The following ADAM29 variants were observed in gnomAD, a reference collection of about 807,000 sequenced individuals.
ADAM29 encodes ADAM metallopeptidase domain 29, also known as disintegrin and metalloproteinase domain-containing protein 29.
For synonymous variants in ADAM29, 367 were observed against 342.3 expected, an observed-to-expected ratio of 1.07 and a Z score of -0.80; for missense variants, 969 against 1,001.8, an observed-to-expected ratio of 0.97 and a Z score of 0.44.
chr4:174,975,784 G>A lies in ADAM29; in HGVS notation c.259G>A (p.Gly87Ser). Residue 87 changes from glycine (G) to serine (S), a missense_variant, in exon 5 of 5, where the codon GGT (glycine) becomes AGT (serine). Gly to Ser is a moderately conservative substitution (Grantham distance 56). Coordinates refer to ENST00000359240, the MANE Select transcript of ADAM29 (RefSeq NM_014269.4). ...CCCTGTGTTCACCTACACAGACCAG[G>A]GTGCTATCCTTGAGGACCAGCCATT... ...HLPVFTYTDQ[G>S]AILEDQPFVQ... 1 of 1,614,062 alleles carries A rather than the reference G, an allele frequency of 6.2e-7. No individual in the cohort carries two copies. The highest frequency in any genetic ancestry group is 8.5e-7 in the Non-Finnish European group (1 of 1,180,016).
At chr4:174,920,030 G>A (rs753978734) in intron 1 of ADAM29, among the ~76,000 whole-genome samples, 2 of 152,144 alleles carry the variant, frequency 1.3e-5, no homozygotes, top group Non-Finnish European at 2.9e-5. Context: ...GCATATATAG[G>A]CATTTCATGC....
rs907137569 is a variant in ADAM29 at position 174,976,905 on chromosome 4, T to C, written c.1380T>C (p.Asn460=). Residue 460 remains asparagine, a synonymous_variant, in exon 5 of 5, where the codon AAT becomes AAC. Coordinates refer to ENST00000359240, the MANE Select transcript of ADAM29 (RefSeq NM_014269.4). ...GGAAAGTGTGTAGAAAGGAGGTCAA[T>C]GAATGTGATCTTCCAGAGTGGTGCA... ...PSGKVCRKEV[N]ECDLPEWCNG... The C allele has an allele frequency of 1.2e-6, 2 of 1,614,046 alleles. No individual in the cohort carries two copies. Among genetic ancestry groups the C allele is most frequent in the African/African-American group, 1.3e-5 (1 of 74,910 alleles).
chr4:174,950,387 A>G (rs764988164), intron 4 of ADAM29, among the ~76,000 whole-genome samples: 3 of 152,218 alleles, frequency 2.0e-5, no homozygotes, highest in African/African-American at 7.2e-5. Context: ...GGAATCCTAT[A>G]TATTGTTAGT....
At chr4:174,958,611 T>A (rs1283169836) in intron 4 of ADAM29, among the ~76,000 whole-genome samples, 1 of 151,874 alleles carries the variant, frequency 6.6e-6, no homozygotes, top group African/African-American at 2.4e-5. Flanking sequence ...ATTTTACCGA[T>A]GTCATTAGAC....
intron 4 of ADAM29, among the ~76,000 whole-genome samples, chr4:174,945,937 T>C (rs1744823580): frequency 6.6e-6 from 1 of 152,200 alleles, no homozygotes; most frequent in Non-Finnish European, 1.5e-5. Context: ...ATGCCTCAGC[T>C]TTGTTCTTTT....
chr4:174,959,012 G>T (rs574546728), intron 4 of ADAM29, among the ~76,000 whole-genome samples: 2 of 151,844 alleles, frequency 1.3e-5, no homozygotes, highest in South Asian at 4.1e-4. Flanking sequence ...ATAACTAACT[G>T]TTAGATCAGT....
intron 2 of ADAM29, among the ~76,000 whole-genome samples, chr4:174,925,178 C>A (rs1272535691): frequency 1.3e-5 from 2 of 152,106 alleles, no homozygotes; most frequent in Non-Finnish European, 2.9e-5. Context: ...GATGTGGTGT[C>A]CTGGATGGGA....
chr4:174,931,844 A>G (rs1743898692), intron 3 of ADAM29, among the ~76,000 whole-genome samples: 1 of 152,160 alleles, frequency 6.6e-6, no homozygotes, highest in South Asian at 2.1e-4. Context: ...ACAAGCACAC[A>G]TACACACAGT....
At chr4:174,951,237 T>G (rs1374251621) in intron 4 of ADAM29, among the ~76,000 whole-genome samples, 3 of 152,236 alleles carry the variant, frequency 2.0e-5, no homozygotes, top group Non-Finnish European at 4.4e-5. Context: ...TATGAACACG[T>G]GGGCTGACCT....
intron 4 of ADAM29, among the ~76,000 whole-genome samples, chr4:174,959,609 C>CT (rs1053783921): frequency 6.6e-6 from 1 of 151,508 alleles, no homozygotes; most frequent in Non-Finnish European, 1.5e-5. Context: ...TTCTCATTTA[C>CT]TTTTTTTCTC....
In ADAM29 at chr4:174,976,434, T is replaced by C; in HGVS notation, c.909T>C (p.Phe303=). 1 of 1,599,472 alleles carries C rather than the reference T, an allele frequency of 6.3e-7. No individual in the cohort carries two copies. The highest frequency in any genetic ancestry group is 8.5e-7 in the Non-Finnish European group (1 of 1,174,040). The stretch of plus-strand genomic sequence containing the variant: ...GAGGGTTAAGTGGCATAGGAGCTTT[T>C]AGAGGAATGTGTACACCACACCGTA... The part of the protein sequence containing the change: ...GLRGLSGIGA[F]RGMCTPHRSC... Residue 303 remains phenylalanine, a synonymous_variant, in exon 5 of 5, where the codon TTT becomes TTC. Transcript: ENST00000359240.
At chr4:174,951,880 G>A (rs571643798) in intron 4 of ADAM29, among the ~76,000 whole-genome samples, 2 of 152,180 alleles carry the variant, frequency 1.3e-5, no homozygotes, top group African/African-American at 4.8e-5. Context: ...AGGGGATTGG[G>A]GAGATGTTGG....
intron 3 of ADAM29, 132 bp downstream of exon 3, chr4:174,931,306 G>GA (rs1183480561): frequency 6.6e-6 from 1 of 152,028 alleles, no homozygotes; most frequent in African/African-American, 2.4e-5. Context: ...CATGAGAGGT[G>GA]AAAAAATGTG....
chr4:174,941,044 G>A (rs1443497394), intron 4 of ADAM29, among the ~76,000 whole-genome samples: 1 of 151,886 alleles, frequency 6.6e-6, no homozygotes, highest in Non-Finnish European at 1.5e-5. Flanking sequence ...ATAAATTCAG[G>A]GGGTCAATTG....
chr4:174,944,432 G>A (rs1471296838), intron 4 of ADAM29, among the ~76,000 whole-genome samples: 1 of 151,976 alleles, frequency 6.6e-6, no homozygotes, highest in Non-Finnish European at 1.5e-5. Flanking sequence ...ATGCATGGGT[G>A]GAATATTATA....
chr4:174,957,708 T>G (rs1236568841), intron 4 of ADAM29, among the ~76,000 whole-genome samples: 1 of 151,796 alleles, frequency 6.6e-6, no homozygotes, highest in South Asian at 2.1e-4. Context: ...CTTATTTTCT[T>G]ACACTCCTTA....
At chr4:174,956,325 ATG>A (rs914124158) in intron 4 of ADAM29, among the ~76,000 whole-genome samples, 5 of 151,946 alleles carry the variant, frequency 3.3e-5, no homozygotes, top group African/African-American at 1.2e-4. Flanking sequence ...AATTTCTTTA[ATG>A]TATATATACT....
At chr4:174,972,172 C>T (rs895535736) in intron 4 of ADAM29, among the ~76,000 whole-genome samples, 13 of 152,214 alleles carry the variant, frequency 8.5e-5, no homozygotes, top group African/African-American at 3.1e-4. Context: ...AATGATGTTT[C>T]ATTAGGGTTG....
chr4:174,925,973 G>A (rs2110908304), intron 2 of ADAM29, among the ~76,000 whole-genome samples: 1 of 151,898 alleles, frequency 6.6e-6, no homozygotes, highest in East Asian at 1.9e-4. Flanking sequence ...ATGAAAGTCA[G>A]CTTTCTTTCA....
Sources: allele counts gnomAD v4.1 joint callset (sites outside exome capture counted in the v4.1 genomes callset), GRCh38; gene constraint gnomAD v4.1.1; transcripts MANE v1.5; gene names NCBI Gene and HGNC (gene_info 2026-07-23, HGNC 2026-07-21).